SPTBN4: variants seen among roughly 807,000 people sequenced by gnomAD.
SPTBN4 encodes spectrin beta chain, non-erythrocytic 4.
In SPTBN4, 96 loss-of-function variants were observed where a neutral mutation model predicts 277.8. That is an observed-to-expected ratio of 0.35 (90% CI 0.29 to 0.41). The LOEUF (loss-of-function observed/expected upper bound fraction) is 0.41. Ranked by LOEUF, SPTBN4 falls within the 10% of genes least tolerant of loss-of-function variation. The pLI, the probability that SPTBN4 is intolerant of heterozygous loss-of-function variation, is 1.00. For missense variants in SPTBN4, 3,006 were observed against 3,595.7 expected, an observed-to-expected ratio of 0.84 and a Z score of 4.19; for synonymous variants, 1,481 against 1,580.3, an observed-to-expected ratio of 0.94 and a Z score of 1.49.
At position 40,571,935 on chromosome 19, in the gene SPTBN4, CAT is replaced by C; in HGVS notation, c.7320-81_7320-80del. On this transcript the variant is annotated intron_variant, in intron 33 of 35. Transcript: ENST00000598249. ...AGGTCCAGAGGTAGGAAGGCTCAGA[CAT>C]ATTCAGACCTTGAGGATGTTAATGA... 2.8e-6 allele frequency: 4 copies of C among 1,440,880 alleles called. 1 individual carries two copies. Among genetic ancestry groups the C allele is most frequent in the Middle Eastern group, 1.9e-4 (1 of 5,294 alleles). 89.3% of individuals were successfully genotyped at this position (1,440,880 alleles called of 1,614,324 possible). A position where few individuals can be genotyped will look rare whatever the true frequency, so the allele number is the denominator to read the frequency against.
chr19:40,494,632 C>A (rs1368815240), intron 5 of SPTBN4, among the ~76,000 whole-genome samples: 1 of 130,590 alleles, frequency 7.7e-6, no homozygotes, highest in African/African-American at 3.9e-5. Flanking sequence ...ATCTATCAAT[C>A]TATCTATCAC....
chr19:40,484,824 G>A (rs2080051935), intron 2 of SPTBN4, among the ~76,000 whole-genome samples: 1 of 151,796 alleles, frequency 6.6e-6, no homozygotes, highest in African/African-American at 2.4e-5. Context: ...CCCAGCTACT[G>A]AGGAGGCTGA....
At chr19:40,486,458 C>T (rs1338193359) in intron 2 of SPTBN4, among the ~76,000 whole-genome samples, 2 of 151,884 alleles carry the variant, frequency 1.3e-5, no homozygotes, top group Non-Finnish European at 2.9e-5. Context: ...CAGCCTCAAC[C>T]TCCCAAGGCC....
At chr19:40,476,286 A>T (rs151126985) in intron 2 of SPTBN4, among the ~76,000 whole-genome samples, 1 of 150,490 alleles carries the variant, frequency 6.6e-6, no homozygotes, top group Non-Finnish European at 1.5e-5. Context: ...CGGAGGTTGC[A>T]GTGAGCCTAG....
chr19:40,509,399 C>A (rs993377152), intron 13 of SPTBN4, among the ~76,000 whole-genome samples: 8 of 151,982 alleles, frequency 5.3e-5, no homozygotes, highest in African/African-American at 1.9e-4. Flanking sequence ...GCATGCGCCA[C>A]CATGTCCGGC....
chr19:40,546,086 G>GTTTTT (rs1228287836), intron 20 of SPTBN4, among the ~76,000 whole-genome samples: 13 of 147,754 alleles, frequency 8.8e-5, no homozygotes, highest in Non-Finnish European at 1.8e-4. Context: ...TTAACCGGGC[G>GTTTTT]TGGTGATGTG....
chr19:40,533,323 G>C (rs1401384450), intron 19 of SPTBN4, among the ~76,000 whole-genome samples: 1 of 152,130 alleles, frequency 6.6e-6, no homozygotes, highest in Non-Finnish European at 1.5e-5. Context: ...ACAAGGCCAC[G>C]CACCTAAGAG....
chr19:40,506,096 G>T lies in SPTBN4; in HGVS notation c.1666-140G>T, dbSNP rs1599742933. 6 of 1,161,728 alleles carry T rather than the reference G, an allele frequency of 5.2e-6. No homozygotes were observed. In the East Asian group the frequency reaches 1.5e-4, roughly 29 times the overall value. 72.0% of individuals were successfully genotyped at this position (1,161,728 alleles called of 1,614,324 possible). A position where few individuals can be genotyped will look rare whatever the true frequency, so the allele number is the denominator to read the frequency against. On this transcript the variant is annotated intron_variant, in intron 12 of 35. Transcript: ENST00000598249. ...GCCACAGAGCTGGTAAGAGAGTCTT[G>T]AGGCTGGTCCATATCTCTCCAAGAG...
intron 26 of SPTBN4, 101 bp downstream of exon 26, chr19:40,557,504 G>C (rs2080995293): frequency 7.1e-7 from 1 of 1,405,684 alleles, no homozygotes; most frequent in Non-Finnish European, 9.5e-7. Context: ...AAATTAGGCA[G>C]TGGCACAGAC....
chr19:40,470,101 C>T (rs1199572464), intron 1 of SPTBN4, among the ~76,000 whole-genome samples: 1 of 151,940 alleles, frequency 6.6e-6, no homozygotes, highest in Non-Finnish European at 1.5e-5. Flanking sequence ...CAGGTTCAAG[C>T]GATTCTACTG....
At chr19:40,566,441 C>A in intron 30 of SPTBN4, 82 bp downstream of exon 30, 1 of 1,280,052 alleles carries the variant, frequency 7.8e-7, no homozygotes, top group South Asian at 1.6e-5. Context: ...ACAGACACAC[C>A]GAGACATGGT....
intron 17 of SPTBN4, among the ~76,000 whole-genome samples, chr19:40,528,300 T>C (rs1300160277): frequency 6.6e-6 from 1 of 152,106 alleles, no homozygotes; most frequent in African/African-American, 2.4e-5. Context: ...GGGCCCATGG[T>C]CCCAGCCGGC....
Position 40,560,617 on chromosome 19 carries a change from G to T in SPTBN4, c.5915+214G>T, listed in dbSNP as rs1353140466. 1 of 1,438,836 alleles carries T rather than the reference G, an allele frequency of 7.0e-7. No individual in the cohort carries two copies. Among genetic ancestry groups the T allele is most frequent in the African/African-American group, 1.4e-5 (1 of 69,914 alleles). The allele number at this position is 1,438,836 out of a possible 1,614,324, so 89.1% of individuals were successfully genotyped here. A position where few individuals can be genotyped will look rare whatever the true frequency, so the allele number is the denominator to read the frequency against. On this transcript the variant is annotated intron_variant, in intron 27 of 35. Transcript: ENST00000598249. This position sits in a 1 kb window ranked among gnomAD's most constrained non-coding sequence, Gnocchi z 5.2. ...GACTTCGGTCATGGGGCATCCTTCT[G>T]TCCGCTGTCCTTCCCAGTTGCCTAT...
At position 40,513,307 on chromosome 19, in the gene SPTBN4, G is replaced by A. The variant is rs1291292274; in HGVS notation, c.2518G>A (p.Gly840Arg). The change falls in exon 14 of 36, where the codon GGG (glycine) becomes AGG (arginine). Residue 840 changes from glycine to arginine, a missense_variant. By Grantham distance (125) the Gly-to-Arg change is moderately radical (BLOSUM62 -2). Coordinates refer to ENST00000598249, the MANE Select transcript of SPTBN4 (RefSeq NM_020971.3). ...SGLRRQLATL[G>R]GASGAGPLVV... The stretch of plus-strand genomic sequence containing the variant: ...CCTGCGGCGCCAGCTGGCGACACTC[G>A]GGGGTGCCAGTGGCGCAGGGCCACT... 7.0e-6 allele frequency: 11 copies of A among 1,563,034 alleles called. No individual in the cohort carries two copies. The South Asian group carries it at 1.0e-4, about 15-fold the overall frequency.
rs760571697 is a variant in SPTBN4, at chr19:40,534,416, A to G, written c.4359+73A>G. Reference sequence around the variant, plus strand: ...CCAGGTCAGGGTCCAACCCCACTCAAGGTATGTCAAGTGGAGGGGATTTAA... The same window carrying G: ...CCAGGTCAGGGTCCAACCCCACTCAGGGTATGTCAAGTGGAGGGGATTTAA... On this transcript the variant is annotated intron_variant, in intron 20 of 35. Transcript: ENST00000598249. 3.9e-6 allele frequency: 6 copies of G among 1,537,222 alleles called. No individual in the cohort carries two copies. In the South Asian group the frequency reaches 6.0e-5, roughly 15 times the overall value.
rs1201510819 is a variant in SPTBN4, at chr19:40,506,320, A to G, written c.1750A>G (p.Ile584Val). The G allele has an allele frequency of 1.2e-6, 2 of 1,614,046 alleles. No individual in the cohort carries two copies. Among genetic ancestry groups the G allele is most frequent in the Admixed American group, 3.3e-5 (2 of 60,012 alleles). Residue 584 changes from isoleucine (I) to valine (V), a missense_variant, in exon 13 of 36, where the codon ATT becomes GTT. By Grantham distance (29) the Ile-to-Val change is conservative. This residue lies in a region of SPTBN4 where 1,759 missense variants were observed against 2,061.5 expected (regional missense o/e 0.85). Coordinates refer to ENST00000598249, the MANE Select transcript of SPTBN4 (RefSeq NM_020971.3). ...GAAGCATGGACTGCTGGAGGGAGACATTGCCGCCCAGAGCGAGCGGGTGGA... is the reference window on the plus strand; with the variant it reads ...GAAGCATGGACTGCTGGAGGGAGACGTTGCCGCCCAGAGCGAGCGGGTGGA... ...LQKHGLLEGD[I>V]AAQSERVEAL...
rs181756899 is a variant in SPTBN4, at chr19:40,539,508, A to C, written c.4359+5165A>C. 7.9e-5 allele frequency among the ~76,000 whole-genome samples: 12 copies of C among 151,874 alleles called. No individual in the cohort carries two copies. The East Asian group carries it at 2.3e-3, about 29-fold the overall frequency. On this transcript the variant is annotated intron_variant, in intron 20 of 35. Coordinates refer to ENST00000598249, the MANE Select transcript of SPTBN4 (RefSeq NM_020971.3). Reference sequence around the variant, plus strand: ...TTTTCTTTTTTTAAGAGGGAGTCTCACTCTGTTGCCCAGGCTGGAGTGCAG... The same window carrying C: ...TTTTCTTTTTTTAAGAGGGAGTCTCCCTCTGTTGCCCAGGCTGGAGTGCAG...
intron 12 of SPTBN4, among the ~76,000 whole-genome samples, chr19:40,504,414 A>C (rs1177415625): frequency 3.9e-5 from 6 of 152,128 alleles, no homozygotes. Context: ...CACCTGTAAT[A>C]CCAGCACTTT....
intron 2 of SPTBN4, among the ~76,000 whole-genome samples, chr19:40,483,669 A>G (rs1170249189): frequency 6.6e-6 from 1 of 152,184 alleles, no homozygotes; most frequent in Non-Finnish European, 1.5e-5. Context: ...TACCTGAGAA[A>G]GTGATGGCAG....
Sources: allele counts gnomAD v4.1 joint callset (sites outside exome capture counted in the v4.1 genomes callset), GRCh38; gene constraint gnomAD v4.1.1; regional missense constraint gnomAD v4.1.1; non-coding constraint Gnocchi (gnomAD v3.1); transcripts MANE v1.5; gene names NCBI Gene and HGNC (gene_info 2026-07-23, HGNC 2026-07-21).